The following TBC1D22A variants were observed in gnomAD, a reference collection of about 807,000 sequenced individuals.
TBC1D22A encodes the protein putative GTPase activator.
A neutral mutation model predicts 60.2 loss-of-function variants in TBC1D22A; 38 were observed. The ratio of observed to expected loss-of-function variants is 0.63; its 90% CI spans 0.49 to 0.83. The LOEUF (loss-of-function observed/expected upper bound fraction) is 0.83, where lower values mean the gene tolerates loss of function less well. TBC1D22A is among the 40% of genes least tolerant of loss of function. The pLI is 0.00. For missense variants in TBC1D22A, 628 were observed against 701.0 expected, an observed-to-expected ratio of 0.90 and a Z score of 1.18; for synonymous variants, 302 against 281.7, an observed-to-expected ratio of 1.07 and a Z score of -0.72.
At chr22:46,808,310 A>G (rs1569067328) in intron 4 of TBC1D22A, among the ~76,000 whole-genome samples, 1 of 152,154 alleles carries the variant, frequency 6.6e-6, no homozygotes, top group Non-Finnish European at 1.5e-5. Flanking sequence ...GTGAGCCGAG[A>G]TTGTGCCATT....
intron 12 of TBC1D22A, among the ~76,000 whole-genome samples, chr22:47,152,560 C>T (rs774917484): frequency 6.6e-6 from 1 of 152,246 alleles, no homozygotes; most frequent in Admixed American, 6.5e-5. Context: ...CTGGTCCTGA[C>T]GAGGCTGTCG....
intron 11 of TBC1D22A, among the ~76,000 whole-genome samples, chr22:47,076,408 CATATAT>C (rs770188684): frequency 8.8e-5 from 9 of 102,480 alleles, no homozygotes; most frequent in Admixed American, 2.4e-4. Flanking sequence ...CACACACACA[CATATAT>C]ATATATATAT....
chr22:46,868,840 T>C (rs1431398412), intron 4 of TBC1D22A, among the ~76,000 whole-genome samples: 1 of 152,246 alleles, frequency 6.6e-6, no homozygotes, highest in East Asian at 1.9e-4. Context: ...TAACTCTAAC[T>C]CTGGTTCATG....
chr22:47,061,094 G>A (rs759821292), intron 11 of TBC1D22A, among the ~76,000 whole-genome samples: 6 of 150,958 alleles, frequency 4.0e-5, no homozygotes, highest in Admixed American at 1.3e-4. Context: ...GTTGAGCCAC[G>A]CTGTCTTCCT....
intron 9 of TBC1D22A, among the ~76,000 whole-genome samples, chr22:46,993,908 G>A (rs1354642036): frequency 6.6e-6 from 1 of 152,160 alleles, no homozygotes; most frequent in Non-Finnish European, 1.5e-5. Context: ...GGCCCAGACC[G>A]ACCCCCCTGT....
intron 1 of TBC1D22A, among the ~76,000 whole-genome samples, chr22:46,766,998 A>G (rs768690527): frequency 6.6e-6 from 1 of 152,204 alleles, no homozygotes; most frequent in African/African-American, 2.4e-5. Flanking sequence ...TTGCATTGTC[A>G]GTACCGATAC....
chr22:47,033,023 T>C (rs1028700509), intron 10 of TBC1D22A, among the ~76,000 whole-genome samples: 1 of 152,198 alleles, frequency 6.6e-6, no homozygotes, highest in Non-Finnish European at 1.5e-5. Context: ...AGTAGCCAAC[T>C]GCTCCTTCAT....
At chr22:46,773,181 C>T (rs967713431) in intron 1 of TBC1D22A, among the ~76,000 whole-genome samples, 6 of 152,264 alleles carry the variant, frequency 3.9e-5, no homozygotes, top group Admixed American at 2.6e-4. Flanking sequence ...GAACACAGGC[C>T]GTGGAGATCT....
chr22:47,079,692 AT>A (rs1389928066), intron 11 of TBC1D22A, among the ~76,000 whole-genome samples: 1 of 152,246 alleles, frequency 6.6e-6, no homozygotes, highest in Non-Finnish European at 1.5e-5. Context: ...TATTTGATTG[AT>A]CCGAAAGAGT....
At chr22:47,067,216 A>G (rs1183914713) in intron 11 of TBC1D22A, among the ~76,000 whole-genome samples, 3 of 152,212 alleles carry the variant, frequency 2.0e-5, no homozygotes, top group Admixed American at 2.0e-4. Flanking sequence ...CAGTGAGCCG[A>G]GATGGTGCCA....
At chr22:46,799,075 A>G (rs1269812765) in intron 4 of TBC1D22A, among the ~76,000 whole-genome samples, 2 of 151,924 alleles carry the variant, frequency 1.3e-5, no homozygotes, top group Non-Finnish European at 2.9e-5. Flanking sequence ...CATGTGTTAT[A>G]ACATGACACA....
At chr22:47,156,776 G>T (rs1014201412) in intron 12 of TBC1D22A, among the ~76,000 whole-genome samples, 2 of 152,188 alleles carry the variant, frequency 1.3e-5, no homozygotes, top group Admixed American at 6.5e-5. Flanking sequence ...TAGCCATCCG[G>T]CAGCCCTCCC....
chr22:47,081,280 A>G (rs760275426), intron 11 of TBC1D22A, among the ~76,000 whole-genome samples: 8 of 152,246 alleles, frequency 5.3e-5, no homozygotes, highest in Non-Finnish European at 1.2e-4. Context: ...CAGAAATAGC[A>G]TTTGACAAAA....
At chr22:46,763,169 G>A (rs951844179) in intron 1 of TBC1D22A, 2 of 332,022 alleles carry the variant, frequency 6.0e-6, no homozygotes, top group African/African-American at 4.3e-5. Context: ...GTCATGCTGT[G>A]AAGTTTGGTG....
intron 4 of TBC1D22A, among the ~76,000 whole-genome samples, chr22:46,823,915 T>C (rs1237843464): frequency 2.0e-5 from 3 of 152,092 alleles, no homozygotes; most frequent in African/African-American, 7.2e-5. Context: ...GGAGCTGTGA[T>C]TCAGATGATG....
At chr22:46,789,293 T>C (rs755649236) in intron 1 of TBC1D22A, 3 of 385,300 alleles carry the variant, frequency 7.8e-6, no homozygotes, top group Middle Eastern at 3.6e-4. Context: ...GCCCGGCTAA[T>C]TTTTTGTATT....
At chr22:46,877,687 C>T (rs1386669257) in intron 4 of TBC1D22A, among the ~76,000 whole-genome samples, 4 of 152,196 alleles carry the variant, frequency 2.6e-5, no homozygotes, top group African/African-American at 9.7e-5. Context: ...GCAAAGTCTT[C>T]TCTTTAATCA....
intron 1 of TBC1D22A, among the ~76,000 whole-genome samples, chr22:46,771,086 T>A (rs561664162): frequency 6.6e-6 from 1 of 152,238 alleles, no homozygotes; most frequent in African/African-American, 2.4e-5. Flanking sequence ...TGAATGTGAA[T>A]CATATTTCCT....
intron 11 of TBC1D22A, among the ~76,000 whole-genome samples, chr22:47,094,304 T>TGG (rs2065088735): frequency 6.6e-6 from 1 of 152,190 alleles, no homozygotes; most frequent in Admixed American, 6.5e-5. Flanking sequence ...GTGGGACGAT[T>TGG]GGGTGGGTTT....
Sources: gnomAD v4.1 joint callset for allele counts (sites outside exome capture counted in the v4.1 genomes callset) on GRCh38, gnomAD v4.1.1 for gene constraint, MANE v1.5 for transcripts, NCBI Gene and HGNC (gene_info 2026-07-23, HGNC 2026-07-21) for gene names.